SNTG2: variants seen among roughly 807,000 people sequenced by gnomAD.
The protein encoded by SNTG2 is gamma-2-syntrophin.
A neutral mutation model predicts 70.9 loss-of-function variants in SNTG2; 74 were observed. That is an observed-to-expected ratio of 1.04 (90% CI 0.86 to 1.27). The LOEUF is 1.27. SNTG2 is among the 50% of genes most tolerant of loss of function. SNTG2 has a pLI of 0.00. For synonymous variants in SNTG2, 278 were observed against 273.8 expected (o/e 1.02, Z -0.15); for missense variants, 717 against 690.7 (o/e 1.04, Z -0.43).
chr2:1,126,863 AT>A (rs1158488432), intron 4 of SNTG2, among the ~76,000 whole-genome samples: 2 of 152,176 alleles, frequency 1.3e-5, no homozygotes, highest in Non-Finnish European at 2.9e-5. Flanking sequence ...ATATGCTGAT[AT>A]TAATCCTTTG....
intron 1 of SNTG2, among the ~76,000 whole-genome samples, chr2:1,029,136 G>A (rs563651335): frequency 6.6e-5 from 10 of 152,212 alleles, no homozygotes; most frequent in East Asian, 3.9e-4. Context: ...ATCATATATC[G>A]AAAACCCCAG....
chr2:1,144,195 T>A (rs1481004162), intron 6 of SNTG2, among the ~76,000 whole-genome samples: 1 of 152,056 alleles, frequency 6.6e-6, no homozygotes, highest in Non-Finnish European at 1.5e-5. Flanking sequence ...TGGAGAAACA[T>A]AGAACCTGGT....
At chr2:1,212,963 T>G (rs1257870419) in intron 9 of SNTG2, among the ~76,000 whole-genome samples, 1 of 152,222 alleles carries the variant, frequency 6.6e-6, no homozygotes, top group African/African-American at 2.4e-5. Flanking sequence ...AACCTTTAGA[T>G]ATCATATAAT....
At chr2:1,139,438 T>G (rs6548200) in intron 6 of SNTG2, among the ~76,000 whole-genome samples, 150,325 of 152,214 alleles carry the variant, frequency 0.99, 74,256 homozygotes, top group East Asian at 1. Flanking sequence ...GTTTTGCCAT[T>G]TTGGCCAGGC....
chr2:1,011,547 T>C (rs2147997834), intron 1 of SNTG2, among the ~76,000 whole-genome samples: 1 of 152,322 alleles, frequency 6.6e-6, no homozygotes, highest in African/African-American at 2.4e-5. Flanking sequence ...GTTTTTTCTT[T>C]TTGGTTGCTG....
At chr2:1,009,590 C>T (rs557692712) in intron 1 of SNTG2, among the ~76,000 whole-genome samples, 3 of 136,722 alleles carry the variant, frequency 2.2e-5, no homozygotes. Context: ...GGCAGCCACA[C>T]CCATGTCCCC....
intron 1 of SNTG2, among the ~76,000 whole-genome samples, chr2:1,031,528 A>T (rs11694238): frequency 0.025 from 1,487 of 59,132 alleles, 107 homozygotes; most frequent in Non-Finnish European, 0.032. Flanking sequence ...ATATATATAT[A>T]TTTTTTTTTT....
Position 1,177,048 on chromosome 2 carries a change from C to G in SNTG2, c.591+3865C>G, listed in dbSNP as rs74501578. 2.6e-5 allele frequency among the ~76,000 whole-genome samples: 4 copies of G among 152,232 alleles called. 1 individual carries two copies. Among genetic ancestry groups the G allele is most frequent in the Admixed American group, 2.6e-4 (4 of 15,292 alleles). ...ATGCATGTGTATATTAATTGCAGCA[C>G]TATTCACAATTGTAAACACATAGAT... On this transcript the variant is annotated intron_variant, in intron 8 of 16. Transcript: ENST00000308624.
At chr2:965,161 C>T (rs1660496645) in intron 1 of SNTG2, among the ~76,000 whole-genome samples, 1 of 145,464 alleles carries the variant, frequency 6.9e-6, no homozygotes, top group Admixed American at 6.9e-5. Context: ...CCCAGTCCTC[C>T]TCCTTGGACC....
chr2:1,360,669 C>G (rs142307674), intron 16 of SNTG2, among the ~76,000 whole-genome samples: 180 of 152,168 alleles, frequency 1.2e-3, no homozygotes, highest in Middle Eastern at 3.4e-3. Flanking sequence ...AAGTCTGTCC[C>G]TAGGGGATTT....
At chr2:984,116 G>A (rs940051895) in intron 1 of SNTG2, among the ~76,000 whole-genome samples, 5 of 152,078 alleles carry the variant, frequency 3.3e-5, no homozygotes, top group African/African-American at 9.7e-5. Context: ...CACATCCCTC[G>A]GCTGCTTGGC....
chr2:1,086,097 A>G (rs921820299), intron 2 of SNTG2, among the ~76,000 whole-genome samples: 21 of 152,372 alleles, frequency 1.4e-4, no homozygotes, highest in African/African-American at 5.0e-4. Context: ...CTGCTAATTT[A>G]TAATCTAAGG....
chr2:1,000,787 A>T (rs1279528331), intron 1 of SNTG2, among the ~76,000 whole-genome samples: 3 of 151,078 alleles, frequency 2.0e-5, no homozygotes, highest in East Asian at 1.9e-4. Flanking sequence ...TCATCATGAT[A>T]AAAAAAACCT....
At chr2:1,123,709 G>A (rs1259159005) in intron 4 of SNTG2, among the ~76,000 whole-genome samples, 1 of 152,164 alleles carries the variant, frequency 6.6e-6, no homozygotes, top group African/African-American at 2.4e-5. Flanking sequence ...AGATAAATTG[G>A]ACTACATCAA....
intron 9 of SNTG2, among the ~76,000 whole-genome samples, chr2:1,235,280 C>T (rs1676547829): frequency 2.2e-5 from 2 of 89,072 alleles, no homozygotes; most frequent in Non-Finnish European, 4.8e-5. Flanking sequence ...GCAGGCCCCA[C>T]CAGGCACACC....
intron 11 of SNTG2, 117 bp from the exon 12 acceptor site, chr2:1,247,210 C>T (rs1677480809): frequency 1.6e-6 from 1 of 615,154 alleles, no homozygotes; most frequent in East Asian, 2.8e-5. Flanking sequence ...TTTCTCCCGT[C>T]TCCTGATTCT....
intron 9 of SNTG2, among the ~76,000 whole-genome samples, chr2:1,217,201 A>G (rs567639840): frequency 6.6e-6 from 1 of 152,308 alleles, no homozygotes; most frequent in Non-Finnish European, 1.5e-5. Context: ...ATATGATACA[A>G]ATCACATGTA....
chr2:1,034,591 C>G (rs1056733705), intron 1 of SNTG2, among the ~76,000 whole-genome samples: 2 of 152,184 alleles, frequency 1.3e-5, no homozygotes, highest in African/African-American at 2.4e-5. Flanking sequence ...TATAAGTGTT[C>G]TCTTTTCTCT....
chr2:1,262,321 G>C (rs1287151847), intron 13 of SNTG2, among the ~76,000 whole-genome samples: 1 of 152,094 alleles, frequency 6.6e-6, no homozygotes, highest in East Asian at 1.9e-4. Flanking sequence ...GCACAGCTTA[G>C]AGCCAAGCAC....
Sources: gnomAD v4.1 joint callset for allele counts (sites outside exome capture counted in the v4.1 genomes callset) on GRCh38, gnomAD v4.1.1 for gene constraint, MANE v1.5 for transcripts, NCBI Gene and HGNC (gene_info 2026-07-23, HGNC 2026-07-21) for gene names.